NKX2-6: variants seen among roughly 807,000 people sequenced by gnomAD.
NKX2-6 encodes the protein NK2 homeobox 6, also known as homeobox protein Nkx-2.6.
In NKX2-6, 8 loss-of-function variants were observed where a neutral mutation model predicts 8.6. That is an observed-to-expected ratio of 0.93 (90% CI 0.54 to 1.67). The LOEUF (loss-of-function observed/expected upper bound fraction) is 1.67. Among genes scored for constraint, NKX2-6 ranks in the 40% most tolerant of loss-of-function variants. The pLI is 0.00. For synonymous variants in NKX2-6, 210 were observed against 199.3 expected (o/e 1.05, Z -0.45); for missense variants, 475 against 423.1 (o/e 1.12, Z -1.08).
At position 23,706,513 on chromosome 8, in the gene NKX2-6, G is replaced by T; in HGVS notation, c.86C>A (p.Ser29Ter). ...LERERSCPAA[S>*]PHPRVRKSPE... ...GCTCTTCCGCACCCGCGGATGTGGC[G>T]AAGCCGCGGGGCAGCTCCGCTCGCG... Residue 29 changes from serine (S) to a stop codon, truncating the protein, a stop_gained, in exon 1 of 2, where the codon TCG becomes TAG. Coordinates refer to ENST00000325017, the MANE Select transcript of NKX2-6 (RefSeq NM_001136271.3). LOFTEE classifies it high-confidence loss of function. 2.6e-6 allele frequency: 4 copies of T among 1,537,796 alleles called. No individual in the cohort carries two copies. Among genetic ancestry groups the T allele is most frequent in the Non-Finnish European group, 3.5e-6 (4 of 1,146,932 alleles).
chr8:23,705,883 G>A (rs1192059966), intron 1 of NKX2-6, among the ~76,000 whole-genome samples: 1 of 152,204 alleles, frequency 6.6e-6, no homozygotes, highest in Non-Finnish European at 1.5e-5. Context: ...AGCGCCACGA[G>A]GGTTCCACTG....
chr8:23,702,362 G>A lies in NKX2-6; in HGVS notation c.*89C>T, dbSNP rs186489897. On this transcript the variant is annotated 3_prime_UTR_variant, in exon 2 of 2. Coordinates refer to ENST00000325017, the MANE Select transcript of NKX2-6 (RefSeq NM_001136271.3). ...GCCGTTGGGTAGCAGCTTCCTTCCA[G>A]CGCCGCGTCCCCTCCTTGTCACGAC... The A allele has an allele frequency of 4.5e-5, 61 of 1,348,354 alleles. No homozygotes were observed. In the African/African-American group the frequency reaches 7.7e-4, roughly 17 times the overall value. 83.5% of individuals were successfully genotyped at this position (1,348,354 alleles called of 1,614,324 possible). A position where few individuals can be genotyped will look rare whatever the true frequency, so the allele number is the denominator to read the frequency against.
At chr8:23,706,182 G>A in intron 1 of NKX2-6, 143 bp downstream of exon 1, 1 of 811,240 alleles carries the variant, frequency 1.2e-6, no homozygotes, top group Non-Finnish European at 1.9e-6. Flanking sequence ...GGATTCGAGA[G>A]GCCTTTTTTT....
Position 23,702,613 on chromosome 8 carries a change from G to T in NKX2-6, c.744C>A (p.Ser248Arg). 1.3e-6 allele frequency: 2 copies of T among 1,548,058 alleles called. No individual in the cohort carries two copies. The highest frequency in any genetic ancestry group is 8.7e-7 in the Non-Finnish European group (1 of 1,146,194). Residue 248 changes from serine to arginine, a missense_variant, in exon 2 of 2, where the codon AGC becomes AGA. Ser to Arg is a moderately radical substitution (Grantham distance 110, BLOSUM62 -1). Transcript: ENST00000325017. Reference sequence around the variant, plus strand: ...CGTAGCCTGCGCCGTAGGGTGCTCCGCTGTAGCCTCCGTAGCAAGAGTAGG... The same window carrying T: ...CGTAGCCTGCGCCGTAGGGTGCTCCTCTGTAGCCTCCGTAGCAAGAGTAGG... ...VSPYSCYGGY[S>R]GAPYGAGYGT...
chr8:23,703,519 AC>A, intron 1 of NKX2-6, among the ~76,000 whole-genome samples: 1 of 151,832 alleles, frequency 6.6e-6, no homozygotes, highest in African/African-American at 2.4e-5. Context: ...ACACGATGAA[AC>A]CCCGTCTCTA....
At chr8:23,703,894 G>A (rs1801049777) in intron 1 of NKX2-6, among the ~76,000 whole-genome samples, 1 of 151,974 alleles carries the variant, frequency 6.6e-6, no homozygotes, top group African/African-American at 2.4e-5. Context: ...AGAAGAAGAA[G>A]GAAAGGAAGG....
In NKX2-6 at chr8:23,703,066, C is replaced by T. The variant is rs759341554; in HGVS notation, c.291G>A (p.Ala97=). ...TGGTCCCGCCGCCGAGGGGCGAGGC[C>T]GCGTTCAGGCCGGGCTCTAAAAGCA... ...RMGEPQPGLN[A]ASPLGGGTRV... The change falls in exon 2 of 2, where the codon GCG becomes GCA. Residue 97 remains alanine (A), a synonymous_variant. Coordinates refer to ENST00000325017, the MANE Select transcript of NKX2-6 (RefSeq NM_001136271.3). The T allele has an allele frequency of 9.7e-5, 149 of 1,540,126 alleles. No individual in the cohort carries two copies. Among genetic ancestry groups the T allele is most frequent in the Admixed American group, 6.7e-4 (34 of 50,930 alleles).
In NKX2-6 at chr8:23,706,488, G is replaced by A. The variant is rs1801094028; in HGVS notation, c.111C>T (p.Ser37=). ...AASPHPRVRK[S]PENFQYLRMD... ...TTCTCAGGTACTGAAAGTTTTCCGG[G>A]CTCTTCCGCACCCGCGGATGTGGCG... The change falls in exon 1 of 2, where the codon AGC becomes AGT. Residue 37 remains serine (S), a synonymous_variant. Coordinates refer to ENST00000325017, the MANE Select transcript of NKX2-6 (RefSeq NM_001136271.3). 2 of 1,540,354 alleles carry A rather than the reference G, an allele frequency of 1.3e-6. No individual in the cohort carries two copies. Among genetic ancestry groups the A allele is most frequent in the Middle Eastern group, 1.7e-4 (1 of 6,012 alleles).
rs1291595851 is a variant in NKX2-6, at chr8:23,706,491, C to T, written c.108G>A (p.Lys36=). ...TCAGGTACTGAAAGTTTTCCGGGCT[C>T]TTCCGCACCCGCGGATGTGGCGAAG... ...PAASPHPRVR[K]SPENFQYLRM... is the part of the protein sequence containing the mutation. Residue 36 remains lysine, a synonymous_variant, in exon 1 of 2, where the codon AAG becomes AAA. Coordinates refer to ENST00000325017, the MANE Select transcript of NKX2-6 (RefSeq NM_001136271.3). The T allele has an allele frequency of 1.3e-6, 2 of 1,539,784 alleles. No individual in the cohort carries two copies. The highest frequency in any genetic ancestry group is 1.2e-5 in the South Asian group (1 of 84,074).
chr8:23,702,642 A>G lies in NKX2-6; in HGVS notation c.715T>C (p.Ser239Pro). 6.5e-7 allele frequency: 1 copy of G among 1,549,720 alleles called. No individual in the cohort carries two copies. The highest frequency in any genetic ancestry group is 8.7e-7 in the Non-Finnish European group (1 of 1,146,182). Reference sequence around the variant, plus strand: ...TAGCCTCCGTAGCAAGAGTAGGGCGACACTGCTGCACTGTAGGGGCTGGGG... The same window carrying G: ...TAGCCTCCGTAGCAAGAGTAGGGCGGCACTGCTGCACTGTAGGGGCTGGGG... ...AFPSPYSAAV[S>P]PYSCYGGYSG... is the part of the protein sequence containing the mutation. The change falls in exon 2 of 2, where the codon TCG becomes CCG. Residue 239 changes from serine (S) to proline (P), a missense_variant. Coordinates refer to ENST00000325017, the MANE Select transcript of NKX2-6 (RefSeq NM_001136271.3).
rs564314411 is a variant in NKX2-6 at position 23,704,606 on chromosome 8, A to G, written c.275-1524T>C. Among the ~76,000 whole-genome samples, 5 of 152,342 alleles carry G rather than the reference A, an allele frequency of 3.3e-5. No homozygotes were observed. The East Asian group carries it at 9.6e-4, about 29-fold the overall frequency. On this transcript the variant is annotated intron_variant, in intron 1 of 1. Transcript: ENST00000325017. The stretch of plus-strand genomic sequence containing the variant: ...TCCTAATACCCAAGGCACTGGCACA[A>G]TCTCCTGGAGGGGGATGGAGCTGTT...
chr8:23,705,255 A>C (rs1329796477), intron 1 of NKX2-6, among the ~76,000 whole-genome samples: 1 of 152,228 alleles, frequency 6.6e-6, no homozygotes, highest in Non-Finnish European at 1.5e-5. Context: ...TCGCGGACAC[A>C]GCAGGTAATG....
Position 23,702,392 on chromosome 8 carries a change from G to C in NKX2-6, c.*59C>G. On this transcript the variant is annotated 3_prime_UTR_variant, in exon 2 of 2. Transcript: ENST00000325017. ...GCGTCCCCTCCTTGTCACGACCTGC[G>C]GGCGGAGGGGAAGGGAACGAGCATC... 1 of 1,405,600 alleles carries C rather than the reference G, an allele frequency of 7.1e-7. No homozygotes were observed. The highest frequency in any genetic ancestry group is 1.6e-5 in the South Asian group (1 of 63,778). 87.1% of individuals were successfully genotyped at this position (1,405,600 alleles called of 1,614,324 possible).
intron 1 of NKX2-6, among the ~76,000 whole-genome samples, chr8:23,706,047 G>T (rs1801084399): frequency 6.6e-6 from 1 of 152,198 alleles, no homozygotes; most frequent in Non-Finnish European, 1.5e-5. Context: ...GTGGCTGCGA[G>T]TGTGAGCGAT....
intron 1 of NKX2-6, among the ~76,000 whole-genome samples, chr8:23,703,725 C>CAA (rs34532511): frequency 7.5e-4 from 88 of 116,996 alleles, no homozygotes; most frequent in Non-Finnish European, 1.5e-3. Context: ...AACAAACAAA[C>CAA]AAAAAAAAAA....
chr8:23,704,432 A>G (rs1801059433), intron 1 of NKX2-6, among the ~76,000 whole-genome samples: 1 of 151,834 alleles, frequency 6.6e-6, no homozygotes, highest in Non-Finnish European at 1.5e-5. Flanking sequence ...CTGGGCTTAA[A>G]CCCCGTTTTA....
At chr8:23,704,619 G>T (rs1005341540) in intron 1 of NKX2-6, among the ~76,000 whole-genome samples, 8 of 152,214 alleles carry the variant, frequency 5.3e-5, no homozygotes, top group African/African-American at 1.9e-4. Context: ...TCCTGGAGGG[G>T]GATGGAGCTG....
chr8:23,704,868 G>A (rs1801065856), intron 1 of NKX2-6, among the ~76,000 whole-genome samples: 2 of 152,200 alleles, frequency 1.3e-5, no homozygotes, highest in South Asian at 4.1e-4. Flanking sequence ...CCAGCACCCT[G>A]CGCCCTTCTG....
rs973784005 is a variant in NKX2-6, at chr8:23,702,967, C to G, written c.390G>C (p.Arg130=). The G allele has an allele frequency of 6.5e-7, 1 of 1,545,852 alleles. No homozygotes were observed. Among genetic ancestry groups the G allele is most frequent in the Non-Finnish European group, 8.7e-7 (1 of 1,145,474 alleles). Reference sequence around the variant, plus strand: ...AGAGCACGCGCGGCTTCCGTCGTTGCCGCGCCTTGGGCTGCTCCGAGCGGC... The same window carrying G: ...AGAGCACGCGCGGCTTCCGTCGTTGGCGCGCCTTGGGCTGCTCCGAGCGGC... ...RGGRSEQPKA[R]QRRKPRVLFS... Residue 130 remains arginine (R), a synonymous_variant, in exon 2 of 2, where the codon CGG becomes CGC. Coordinates refer to ENST00000325017, the MANE Select transcript of NKX2-6 (RefSeq NM_001136271.3).
Sources: allele counts gnomAD v4.1 joint callset (sites outside exome capture counted in the v4.1 genomes callset), GRCh38; gene constraint gnomAD v4.1.1; transcripts MANE v1.5; gene names NCBI Gene and HGNC (gene_info 2026-07-23, HGNC 2026-07-21).